Variants in KCNIP4 observed in about 807,000 individuals in gnomAD.
The protein encoded by KCNIP4 is Kv channel-interacting protein 4.
In KCNIP4, 12 loss-of-function variants were observed where a neutral mutation model predicts 34.0. The observed-to-expected ratio is 0.35, with a 90% CI of 0.23 to 0.57. The LOEUF is 0.57. Ranked by LOEUF, KCNIP4 falls within the 20% of genes least tolerant of loss-of-function variation. The pLI is 0.83. For synonymous variants in KCNIP4, 124 were observed against 102.2 expected (o/e 1.21, Z -1.29); for missense variants, 238 against 311.7 (o/e 0.76, Z 1.78).
At chr4:20,886,077 C>G (rs1349291294) in intron 1 of KCNIP4, among the ~76,000 whole-genome samples, 1 of 152,186 alleles carries the variant, frequency 6.6e-6, no homozygotes, top group Non-Finnish European at 1.5e-5. Context: ...GTCTTCCCTA[C>G]TGAAATGGAA....
intron 1 of KCNIP4, among the ~76,000 whole-genome samples, chr4:21,897,937 G>A: frequency 6.6e-6 from 1 of 152,072 alleles, no homozygotes; most frequent in East Asian, 1.9e-4. Context: ...TGGTGTAGAG[G>A]GAGAATCTGT....
At chr4:20,946,762 G>C (rs976183202) in intron 1 of KCNIP4, among the ~76,000 whole-genome samples, 1 of 152,070 alleles carries the variant, frequency 6.6e-6, no homozygotes, top group Non-Finnish European at 1.5e-5. Context: ...ACATTCATTG[G>C]TGTGAGTTAG....
Position 21,147,241 on chromosome 4 carries a change from G to A in KCNIP4, c.62-264532C>T, listed in dbSNP as rs187400693. Reference sequence around the variant, plus strand: ...TTCCATTCCTTGGACCTATCTACCCGATGCCCCCACCCCCAAACCTGGGTT... The same window carrying A: ...TTCCATTCCTTGGACCTATCTACCCAATGCCCCCACCCCCAAACCTGGGTT... On this transcript the variant is annotated intron_variant, in intron 1 of 8. Transcript: ENST00000382152. Among the ~76,000 whole-genome samples, 55 of 151,986 alleles carry A rather than the reference G, an allele frequency of 3.6e-4. 1 individual carries two copies. The East Asian group carries it at 9.5e-3, about 26-fold the overall frequency.
intron 1 of KCNIP4, among the ~76,000 whole-genome samples, chr4:21,894,911 T>C (rs1485994619): frequency 6.6e-6 from 1 of 152,216 alleles, no homozygotes; most frequent in African/African-American, 2.4e-5. Context: ...GGAAGCCATC[T>C]GAAGATCGAC....
chr4:21,276,004 A>G (rs1762414185), intron 1 of KCNIP4, among the ~76,000 whole-genome samples: 1 of 152,228 alleles, frequency 6.6e-6, no homozygotes, highest in Non-Finnish European at 1.5e-5. Flanking sequence ...AAGTTTACAC[A>G]TTTGTGTTGG....
intron 1 of KCNIP4, among the ~76,000 whole-genome samples, chr4:21,268,915 T>A (rs1289553671): frequency 6.6e-6 from 1 of 152,206 alleles, no homozygotes; most frequent in African/African-American, 2.4e-5. Context: ...GGTGTGTCTA[T>A]CAGGCAGGAG....
At chr4:20,880,731 C>T (rs1724593366) in intron 2 of KCNIP4, among the ~76,000 whole-genome samples, 1 of 152,150 alleles carries the variant, frequency 6.6e-6, no homozygotes, top group Admixed American at 6.6e-5. Flanking sequence ...TTGATTCCAA[C>T]CTGAAAGGAG....
intron 1 of KCNIP4, among the ~76,000 whole-genome samples, chr4:21,318,583 T>C (rs1336157566): frequency 2.0e-5 from 3 of 152,202 alleles, no homozygotes; most frequent in Non-Finnish European, 4.4e-5. Flanking sequence ...TGTATATAAG[T>C]ACTGTGCCAC....
At chr4:21,104,037 A>G (rs1446168385) in intron 1 of KCNIP4, among the ~76,000 whole-genome samples, 1 of 135,746 alleles carries the variant, frequency 7.4e-6, no homozygotes, top group Non-Finnish European at 1.6e-5. Flanking sequence ...TAGTGCCTCA[A>G]TAAACATACA....
intron 1 of KCNIP4, among the ~76,000 whole-genome samples, chr4:21,717,751 G>T (rs1262164292): frequency 6.6e-6 from 1 of 152,052 alleles, no homozygotes; most frequent in African/African-American, 2.4e-5. Context: ...CTGTTTCAAG[G>T]CTCTTGATCA....
chr4:21,052,955 G>T (rs1351837646), intron 1 of KCNIP4, among the ~76,000 whole-genome samples: 1 of 151,580 alleles, frequency 6.6e-6, no homozygotes, highest in Non-Finnish European at 1.5e-5. Flanking sequence ...AGTGGAGAGG[G>T]GAGAGAGATG....
intron 1 of KCNIP4, among the ~76,000 whole-genome samples, chr4:21,018,134 C>T (rs1368466606): frequency 6.6e-6 from 1 of 152,264 alleles, no homozygotes; most frequent in African/African-American, 2.4e-5. Flanking sequence ...CTCCAGGGTC[C>T]TGCATAGACA....
intron 1 of KCNIP4, among the ~76,000 whole-genome samples, chr4:21,897,928 G>C (rs1727489698): frequency 6.6e-6 from 1 of 152,168 alleles, no homozygotes; most frequent in Non-Finnish European, 1.5e-5. Flanking sequence ...GCAGGCACGT[G>C]GTGTAGAGGG....
intron 2 of KCNIP4, among the ~76,000 whole-genome samples, chr4:20,852,502 C>T (rs1391968873): frequency 1.3e-5 from 2 of 152,160 alleles, no homozygotes; most frequent in Non-Finnish European, 2.9e-5. Context: ...ATCTATGACA[C>T]ACCCACAGCC....
intron 1 of KCNIP4, among the ~76,000 whole-genome samples, chr4:21,625,085 T>A (rs568841635): frequency 1.6e-4 from 25 of 152,264 alleles, no homozygotes; most frequent in African/African-American, 5.5e-4. Context: ...ACAAACTGAA[T>A]ATTTAAATAA....
chr4:20,890,691 T>C (rs1005143177), intron 1 of KCNIP4, among the ~76,000 whole-genome samples: 8 of 152,186 alleles, frequency 5.3e-5, no homozygotes, highest in Non-Finnish European at 1.0e-4. Context: ...AGTATACTAG[T>C]ACTTCAAACA....
At chr4:21,205,234 G>A (rs1283652112) in intron 1 of KCNIP4, among the ~76,000 whole-genome samples, 16 of 152,144 alleles carry the variant, frequency 1.1e-4, no homozygotes. Flanking sequence ...CACGTTCTAA[G>A]TTTGGGCATG....
chr4:20,787,182 G>A (rs967407538), intron 3 of KCNIP4, among the ~76,000 whole-genome samples: 2 of 152,106 alleles, frequency 1.3e-5, no homozygotes, highest in Non-Finnish European at 2.9e-5. Flanking sequence ...TGTAATATCT[G>A]TCCTTTCCCA....
intron 1 of KCNIP4, among the ~76,000 whole-genome samples, chr4:20,911,804 C>A (rs376210971): frequency 6.6e-6 from 1 of 152,148 alleles, no homozygotes; most frequent in South Asian, 2.1e-4. Context: ...AACAAGTTTA[C>A]AAGTCCGTCA....
Sources: allele counts gnomAD v4.1 joint callset (sites outside exome capture counted in the v4.1 genomes callset), GRCh38; gene constraint gnomAD v4.1.1; transcripts MANE v1.5; gene names NCBI Gene and HGNC (gene_info 2026-07-23, HGNC 2026-07-21).